Variants in DLK1 observed in about 807,000 individuals in gnomAD.
DLK1 encodes protein delta homolog 1.
A neutral mutation model predicts 35.2 loss-of-function variants in DLK1; 9 were observed. The ratio of observed to expected loss-of-function variants is 0.26; its 90% confidence interval spans 0.15 to 0.45. The LOEUF is 0.45. Among genes scored for constraint, DLK1 ranks in the 20% least tolerant of loss-of-function variants. The pLI is 1.00. For synonymous variants in DLK1, 231 were observed against 228.4 expected, an observed-to-expected ratio of 1.01 and a Z score of -0.10; for missense variants, 522 against 528.5, an observed-to-expected ratio of 0.99 and a Z score of 0.12.
At chr14:100,733,402 C>T (rs956923271) in intron 4 of DLK1, among the ~76,000 whole-genome samples, 2 of 152,182 alleles carry the variant, frequency 1.3e-5, no homozygotes, top group Admixed American at 6.5e-5. Context: ...TCCTTGTACT[C>T]CACTTTGAGC....
intron 4 of DLK1, among the ~76,000 whole-genome samples, chr14:100,733,824 A>G (rs921232192): frequency 2.6e-5 from 4 of 151,792 alleles, no homozygotes; most frequent in African/African-American, 4.8e-5. Context: ...GGAGAGGTGC[A>G]GTAAGAGGTG....
chr14:100,730,562 G>A (rs1487639784), intron 3 of DLK1, among the ~76,000 whole-genome samples: 1 of 152,196 alleles, frequency 6.6e-6, no homozygotes, highest in Non-Finnish European at 1.5e-5. Context: ...CTTTTCCTCA[G>A]AGCAGCTTAA....
chr14:100,728,728 C>A, intron 2 of DLK1: 1 of 750,762 alleles, frequency 1.3e-6, no homozygotes, highest in Non-Finnish European at 2.2e-6. Flanking sequence ...CCCGGGATCT[C>A]GGGGCCCCTC....
intron 3 of DLK1, chr14:100,729,331 G>T: frequency 1.5e-6 from 1 of 653,586 alleles, no homozygotes; most frequent in Non-Finnish European, 2.7e-6. Context: ...GGAGCTGCCT[G>T]TTGAATAAAG....
chr14:100,729,316 G>A (rs2036480374), intron 3 of DLK1: 6 of 680,228 alleles, frequency 8.8e-6, no homozygotes, highest in East Asian at 8.1e-5. Flanking sequence ...TGGCGTGGGG[G>A]CCAGGGAGCT....
intron 2 of DLK1, 87 bp downstream of exon 2, chr14:100,728,546 C>T: frequency 1.4e-6 from 2 of 1,437,762 alleles, no homozygotes; most frequent in South Asian, 1.1e-5. Flanking sequence ...AAATAGGGGG[C>T]TTGGCCACTA....
rs113492306 is a variant in DLK1 at position 100,732,020 on chromosome 14, C to A, written c.263-22C>A. ...GTGTATGGAGAGGAAGCTAAGTTCT[C>A]GTCTTCCCCGTCACCCCGCAGATGT... On this transcript the variant is annotated intron_variant, in intron 3 of 4. Coordinates refer to ENST00000341267, the MANE Select transcript of DLK1 (RefSeq NM_003836.7). 20 of 1,600,548 alleles carry A rather than the reference C, an allele frequency of 1.2e-5. No homozygotes were observed. In the African/African-American group the frequency reaches 2.6e-4, roughly 20 times the overall value.
Position 100,734,368 on chromosome 14 carries a change from G to A in DLK1, c.624G>A (p.Pro208=), listed in dbSNP as rs752720601. The change falls in exon 5 of 5, where the codon CCG becomes CCA. Residue 208 remains proline (P), a synonymous_variant. Coordinates refer to ENST00000341267, the MANE Select transcript of DLK1 (RefSeq NM_003836.7). This position sits in a 1 kb window ranked among gnomAD's most constrained non-coding sequence, Gnocchi z 7.4. ...TCATCGACAAGACCTGCAGCCGCCC[G>A]GTGACCAACTGCGCCAGCAGCCCGT... The part of the protein sequence containing the change: ...AGFIDKTCSR[P]VTNCASSPCQ... 4.4e-5 allele frequency: 71 copies of A among 1,612,106 alleles called. No homozygotes were observed. Among genetic ancestry groups the A allele is most frequent in the South Asian group, 3.0e-4 (27 of 90,998 alleles).
Position 100,734,902 on chromosome 14 carries a change from G to A in DLK1, c.*6G>A, listed in dbSNP as rs201917535. ...CCGGCGACGAGGAGATCTAAGCAGC[G>A]TTCCCACAGCCCCCTCTAGATTCTT... On this transcript the variant is annotated 3_prime_UTR_variant, in exon 5 of 5. Coordinates refer to ENST00000341267, the MANE Select transcript of DLK1 (RefSeq NM_003836.7). The surrounding 1 kb of genome is among the most constrained non-coding windows in gnomAD (Gnocchi z 7.4). 2.1e-5 allele frequency: 33 copies of A among 1,566,160 alleles called. No individual in the cohort carries two copies. In the Admixed American group the frequency reaches 2.1e-4, roughly 10 times the overall value.
At chr14:100,731,635 C>G (rs910514893) in intron 3 of DLK1, among the ~76,000 whole-genome samples, 1 of 152,132 alleles carries the variant, frequency 6.6e-6, no homozygotes, top group Non-Finnish European at 1.5e-5. Context: ...GGCCAGGACC[C>G]CTCCCCTAAC....
rs1167418780 is a variant in DLK1, at chr14:100,728,402, A to G, written c.74A>G (p.Glu25Gly). The change falls in exon 2 of 5, where the codon GAA becomes GGA. Residue 25 changes from glutamate (E) to glycine (G), a missense_variant. Glu to Gly is a moderately conservative substitution (Grantham distance 98). Coordinates refer to ENST00000341267, the MANE Select transcript of DLK1 (RefSeq NM_003836.7). Reference sequence around the variant, plus strand: ...AACCTTTCTTGTACCTCAGGGGCTGAATGCTTCCCGGCCTGCAACCCCCAA... The same window carrying G: ...AACCTTTCTTGTACCTCAGGGGCTGGATGCTTCCCGGCCTGCAACCCCCAA... Reference protein sequence around the residue: ...LAFGHSTYGAECFPACNPQNG... With the variant: ...LAFGHSTYGAGCFPACNPQNG... The G allele has an allele frequency of 1.9e-6, 3 of 1,613,548 alleles. No individual in the cohort carries two copies. Among genetic ancestry groups the G allele is most frequent in the Non-Finnish European group, 2.5e-6 (3 of 1,179,724 alleles).
chr14:100,734,140 G>C lies in DLK1; in HGVS notation c.405-9G>C. 1 of 1,593,344 alleles carries C rather than the reference G, an allele frequency of 6.3e-7. No homozygotes were observed. On this transcript the variant is annotated splice_polypyrimidine_tract_variant and intron_variant, in intron 4 of 4. Transcript: ENST00000341267. This position sits in a 1 kb window ranked among gnomAD's most constrained non-coding sequence, Gnocchi z 7.4. The stretch of plus-strand genomic sequence containing the variant: ...TGAGGCCGTTTACTATGTCCCTGTT[G>C]TGTTGCAGCTCCCCCTGCCAGCACG...
chr14:100,727,474 G>A (rs75258126), intron 1 of DLK1, among the ~76,000 whole-genome samples: 2,097 of 152,340 alleles, frequency 0.014, 23 homozygotes, highest in South Asian at 0.023. Flanking sequence ...GTGCAACTTT[G>A]GGGTGTCCCT....
rs545943200 is a variant in DLK1 at position 100,731,730 on chromosome 14, G to A, written c.263-312G>A. Among the ~76,000 whole-genome samples the A allele has an allele frequency of 1.0e-3, 159 of 152,296 alleles. 1 individual carries two copies. Among genetic ancestry groups the A allele is most frequent in the African/African-American group, 3.7e-3 (154 of 41,558 alleles). On this transcript the variant is annotated intron_variant, in intron 3 of 4. Coordinates refer to ENST00000341267, the MANE Select transcript of DLK1 (RefSeq NM_003836.7). ...GGCACGCTGTTGCAGGGAGGGGCAT[G>A]ATGTCCACAGTGAACGTCACGGACA...
chr14:100,734,775 G>GGAA lies in DLK1; in HGVS notation c.1041_1043dup (p.Lys347dup). 1 of 1,613,984 alleles carries GGAA rather than the reference G, an allele frequency of 6.2e-7. No individual in the cohort carries two copies. The highest frequency in any genetic ancestry group is 1.1e-5 in the South Asian group (1 of 91,074). On this transcript the variant is annotated inframe_insertion, in exon 5 of 5. Transcript: ENST00000341267. This position sits in a 1 kb window ranked among gnomAD's most constrained non-coding sequence, Gnocchi z 7.4. ...AACCTGCGCTACAACCACATGCTGC[G>GGAA]GAAGAAGAAGAACCTGCTGCTTCAG...
In DLK1 at chr14:100,732,061, G is replaced by A. The variant is rs1250410292; in HGVS notation, c.282G>A (p.Ser94=). 17 of 1,613,624 alleles carry A rather than the reference G, an allele frequency of 1.1e-5. No individual in the cohort carries two copies. The highest frequency in any genetic ancestry group is 9.9e-5 in the South Asian group (9 of 91,004). The change falls in exon 4 of 5, where the codon TCG becomes TCA. Residue 94 remains serine, a synonymous_variant. Transcript: ENST00000341267. ...LCDRDVRACS[S]APCANNRTCV... ...CCGCAGATGTTCGGGCCTGCTCCTC[G>A]GCCCCCTGTGCCAACAACAGGACCT...
Position 100,736,914 on chromosome 14 carries a change from C to G in DLK1, c.*2018C>G, listed in dbSNP as rs1253375016. On this transcript the variant is annotated 3_prime_UTR_variant, in exon 5 of 5. Coordinates refer to ENST00000341267, the MANE Select transcript of DLK1 (RefSeq NM_003836.7). Reference sequence around the variant, plus strand: ...TCCTTCCCCTCCTGTTAGCCCACCCCTCCTTTCCTATCACCCCCACCTTTC... The same window carrying G: ...TCCTTCCCCTCCTGTTAGCCCACCCGTCCTTTCCTATCACCCCCACCTTTC... 1 of 140,992 alleles carries G rather than the reference C, an allele frequency of 7.1e-6. No individual in the cohort carries two copies. The highest frequency in any genetic ancestry group is 1.5e-5 in the Non-Finnish European group (1 of 64,666). 8.7% of individuals were successfully genotyped at this position (140,992 alleles called of 1,614,324 possible). A position where few individuals can be genotyped will look rare whatever the true frequency, so the allele number is the denominator to read the frequency against.
At position 100,734,659 on chromosome 14, in the gene DLK1, C is replaced by G; in HGVS notation, c.915C>G (p.Ile305Met). 6.2e-7 allele frequency: 1 copy of G among 1,614,054 alleles called. No homozygotes were observed. Among genetic ancestry groups the G allele is most frequent in the South Asian group, 1.1e-5 (1 of 91,072 alleles). The change falls in exon 5 of 5, where the codon ATC (isoleucine) becomes ATG (methionine). Residue 305 changes from isoleucine (I) to methionine (M), a missense_variant. Transcript: ENST00000341267. This position sits in a 1 kb window ranked among gnomAD's most constrained non-coding sequence, Gnocchi z 7.4. ...CTCTCCTCACCGAGGGCCAGGCCAT[C>G]TGCTTCACCATCCTGGGCGTGCTCA... Reference protein sequence around the residue: ...KTPLLTEGQAICFTILGVLTS... With the variant: ...KTPLLTEGQAMCFTILGVLTS...
At chr14:100,730,931 C>A (rs973819820) in intron 3 of DLK1, among the ~76,000 whole-genome samples, 1 of 152,098 alleles carries the variant, frequency 6.6e-6, no homozygotes, top group Non-Finnish European at 1.5e-5. Context: ...GGAAAAAATA[C>A]GCACATGTGT....
Sources: allele counts gnomAD v4.1 joint callset (sites outside exome capture counted in the v4.1 genomes callset), GRCh38; gene constraint gnomAD v4.1.1; non-coding constraint Gnocchi (gnomAD v3.1); transcripts MANE v1.5; gene names NCBI Gene and HGNC (gene_info 2026-07-23, HGNC 2026-07-21).